Variants in MYO5B observed in about 807,000 individuals in gnomAD.
The protein encoded by MYO5B is myosin VB.
In MYO5B, 143 loss-of-function variants were observed where a neutral mutation model predicts 229.3. The ratio of observed to expected loss-of-function variants is 0.62; its 90% CI spans 0.54 to 0.72. MYO5B has a LOEUF of 0.72. Among genes scored for constraint, MYO5B ranks in the 30% least tolerant of loss-of-function variants. The pLI is 0.00. For missense variants in MYO5B, 2,321 were observed against 2,331.0 expected (o/e 1.00, Z 0.09); for synonymous variants, 918 against 885.2 (o/e 1.04, Z -0.66).
chr18:50,009,519 T>C (rs536633567), intron 4 of MYO5B, among the ~76,000 whole-genome samples: 1 of 152,288 alleles, frequency 6.6e-6, no homozygotes, highest in African/African-American at 2.4e-5. Context: ...GGAAGTTAGA[T>C]AGGAGGAAGA....
chr18:49,972,906 T>C (rs1286532335), intron 10 of MYO5B, among the ~76,000 whole-genome samples: 1 of 152,056 alleles, frequency 6.6e-6, no homozygotes, highest in East Asian at 1.9e-4. Flanking sequence ...TGTGTGCTCC[T>C]TATCAGCAAG....
At chr18:50,019,039 T>C (rs920818163) in intron 4 of MYO5B, among the ~76,000 whole-genome samples, 6 of 152,202 alleles carry the variant, frequency 3.9e-5, no homozygotes, top group Admixed American at 3.3e-4. Context: ...TGTGAAACCA[T>C]GTTACACTCC....
chr18:49,918,178 C>T (rs925745232), intron 17 of MYO5B, among the ~76,000 whole-genome samples: 17 of 152,196 alleles, frequency 1.1e-4, no homozygotes, highest in Admixed American at 3.3e-4. Context: ...ACCATCTGCA[C>T]GTGCAAATAT....
chr18:49,935,542 G>A (rs1253252411), intron 16 of MYO5B, among the ~76,000 whole-genome samples: 4 of 152,236 alleles, frequency 2.6e-5, no homozygotes, highest in African/African-American at 4.8e-5. Context: ...TTCTTGGGGG[G>A]TGGCAGGAGA....
At position 50,074,390 on chromosome 18, in the gene MYO5B, G is replaced by A. The variant is rs546860831; in HGVS notation, c.28-19012C>T. Among the ~76,000 whole-genome samples, 148 of 152,176 alleles carry A rather than the reference G, an allele frequency of 9.7e-4. 1 individual carries two copies. Among genetic ancestry groups the A allele is most frequent in the Non-Finnish European group, 1.8e-3 (122 of 68,030 alleles). On this transcript the variant is annotated intron_variant, in intron 1 of 39. Transcript: ENST00000285039. ...CCATGCATTTCCTAAACAGCAGTCAGAGCATCATTTTGAAAGGGCCCATCG... is the reference window on the plus strand; with the variant it reads ...CCATGCATTTCCTAAACAGCAGTCAAAGCATCATTTTGAAAGGGCCCATCG...
chr18:50,134,923 AAAAC>A (rs2032313075), intron 1 of MYO5B, among the ~76,000 whole-genome samples: 1 of 152,230 alleles, frequency 6.6e-6, no homozygotes, highest in Admixed American at 6.5e-5. Context: ...TGCAAGAGAT[AAAAC>A]AATCATTTAT....
intron 22 of MYO5B, among the ~76,000 whole-genome samples, chr18:49,887,984 C>T (rs2024664361): frequency 2.6e-5 from 4 of 152,166 alleles, no homozygotes; most frequent in Non-Finnish European, 5.9e-5. Flanking sequence ...CCACACCCAG[C>T]CCAGGTGTTT....
At chr18:49,889,129 C>T (rs769968413) in intron 22 of MYO5B, among the ~76,000 whole-genome samples, 29 of 152,220 alleles carry the variant, frequency 1.9e-4, no homozygotes, top group Non-Finnish European at 4.1e-4. Flanking sequence ...TAAGGGCTCC[C>T]TTTAAAATTG....
chr18:50,162,087 G>A (rs920833195), intron 1 of MYO5B, among the ~76,000 whole-genome samples: 1 of 152,250 alleles, frequency 6.6e-6, no homozygotes, highest in African/African-American at 2.4e-5. Flanking sequence ...CAGGGAAGAG[G>A]TCTGTCTTGC....
intron 1 of MYO5B, among the ~76,000 whole-genome samples, chr18:50,098,589 G>A (rs1403473328): frequency 6.6e-6 from 1 of 152,196 alleles, no homozygotes; most frequent in Non-Finnish European, 1.5e-5. Flanking sequence ...AAGCACAGTG[G>A]CATGGGGACT....
intron 4 of MYO5B, among the ~76,000 whole-genome samples, chr18:50,032,485 G>A (rs992409953): frequency 6.6e-6 from 1 of 152,052 alleles, no homozygotes; most frequent in African/African-American, 2.4e-5. Flanking sequence ...TTTTTATCTG[G>A]CTTCTTTGAT....
At chr18:50,143,322 T>C (rs1395720838) in intron 1 of MYO5B, among the ~76,000 whole-genome samples, 1 of 152,186 alleles carries the variant, frequency 6.6e-6, no homozygotes, top group Non-Finnish European at 1.5e-5. Context: ...GGCAGCTGTG[T>C]AGAATAAAAT....
At chr18:50,077,168 TAAAAAAAAAAA>T (rs71169476) in intron 1 of MYO5B, among the ~76,000 whole-genome samples, 17 of 81,232 alleles carry the variant, frequency 2.1e-4, no homozygotes, top group African/African-American at 6.3e-4. Context: ...TGTGGCAAAG[TAAAAAAAAAAA>T]AAAAAAAAAA....
intron 1 of MYO5B, among the ~76,000 whole-genome samples, chr18:50,165,353 G>C (rs1381596680): frequency 6.6e-6 from 1 of 152,120 alleles, no homozygotes; most frequent in Non-Finnish European, 1.5e-5. Flanking sequence ...CACGGTGGCA[G>C]ATGCCTATGG....
intron 21 of MYO5B, among the ~76,000 whole-genome samples, chr18:49,900,441 A>C (rs1283378649): frequency 2.0e-5 from 3 of 152,178 alleles, no homozygotes; most frequent in Non-Finnish European, 4.4e-5. Flanking sequence ...CAAACAAGGC[A>C]CCCTGTAGAA....
chr18:50,129,067 G>A (rs954819209), intron 1 of MYO5B, among the ~76,000 whole-genome samples: 1 of 152,180 alleles, frequency 6.6e-6, no homozygotes, highest in Non-Finnish European at 1.5e-5. Context: ...CGGCTCAGGA[G>A]AATGAGGTGG....
intron 26 of MYO5B, 150 bp downstream of exon 26, chr18:49,875,537 G>T: frequency 1.9e-6 from 2 of 1,063,316 alleles, no homozygotes; most frequent in Non-Finnish European, 1.4e-6. Context: ...AGAAGACTCA[G>T]CATGACTCCA....
Position 49,937,274 on chromosome 18 carries a change from T to C in MYO5B, c.1876A>G (p.Lys626Glu). 6.2e-7 allele frequency: 1 copy of C among 1,614,154 alleles called. No homozygotes were observed. ...TGGCCAACGGTTTTCTTGTGCTCCT[T>C]GTTGGAGACTTTCATGGGGGGTCTG... is the stretch of plus-strand genomic sequence containing the variant. ...SARPPMKVSN[K>E]EHKKTVGHQF... Residue 626 changes from lysine to glutamate, a missense_variant, in exon 15 of 40, where the codon AAG (lysine) becomes GAG (glutamate). By Grantham distance (56) the Lys-to-Glu change is moderately conservative (BLOSUM62 1). Coordinates refer to ENST00000285039, the MANE Select transcript of MYO5B (RefSeq NM_001080467.3).
chr18:49,954,256 T>G, intron 13 of MYO5B, 57 bp downstream of exon 13: 4 of 1,605,552 alleles, frequency 2.5e-6, no homozygotes, highest in South Asian at 1.1e-5. Context: ...TAGAGCCCAT[T>G]GAGTCTACTT....
Sources: gnomAD v4.1 joint callset for allele counts (sites outside exome capture counted in the v4.1 genomes callset) on GRCh38, gnomAD v4.1.1 for gene constraint, MANE v1.5 for transcripts, NCBI Gene and HGNC (gene_info 2026-07-23, HGNC 2026-07-21) for gene names.